The following MARCHF1 variants were observed in gnomAD, a reference collection of about 807,000 sequenced individuals.
MARCHF1 encodes the protein membrane associated ring-CH-type finger 1, also known as E3 ubiquitin-protein ligase MARCHF1.
A neutral mutation model predicts 54.2 loss-of-function variants in MARCHF1; 40 were observed. That is an observed-to-expected ratio of 0.74 (90% CI 0.57 to 0.96). The LOEUF (loss-of-function observed/expected upper bound fraction) is 0.96. Ranked by LOEUF, MARCHF1 falls within the 40% of genes least tolerant of loss-of-function variation. MARCHF1 has a pLI of 0.00. For missense variants in MARCHF1, 586 were observed against 656.5 expected, an observed-to-expected ratio of 0.89 and a Z score of 1.17; for synonymous variants, 236 against 236.3, an observed-to-expected ratio of 1.00 and a Z score of 0.01.
chr4:163,766,090 C>T (rs770257211), intron 4 of MARCHF1, among the ~76,000 whole-genome samples: 138 of 151,688 alleles, frequency 9.1e-4, no homozygotes, highest in Middle Eastern at 3.4e-3. Context: ...TAATAAAAGT[C>T]AAACTCCAGC....
chr4:164,154,356 A>T (rs723730), intron 1 of MARCHF1, among the ~76,000 whole-genome samples: 29,899 of 152,174 alleles, frequency 0.2, 4,790 homozygotes, highest in African/African-American at 0.43. Context: ...CACGTTATAG[A>T]TGAGGAAACT....
intron 1 of MARCHF1, among the ~76,000 whole-genome samples, chr4:164,172,706 G>A (rs558943960): frequency 2.5e-4 from 38 of 152,260 alleles, no homozygotes; most frequent in African/African-American, 8.7e-4. Context: ...GGCTGGGCGC[G>A]GTGGCTCACG....
intron 2 of MARCHF1, among the ~76,000 whole-genome samples, chr4:164,024,946 G>A (rs1178955384): frequency 2.6e-5 from 4 of 151,710 alleles, no homozygotes; most frequent in Non-Finnish European, 4.4e-5. Context: ...TTCTTATATC[G>A]GATAGAATAT....
At chr4:163,586,362 C>A (rs184280454) in intron 7 of MARCHF1, among the ~76,000 whole-genome samples, 161 of 151,870 alleles carry the variant, frequency 1.1e-3, no homozygotes, top group African/African-American at 3.8e-3. Flanking sequence ...GCAAATATTG[C>A]CAAATCAAAA....
At chr4:163,831,155 C>T (rs1415429704) in intron 4 of MARCHF1, among the ~76,000 whole-genome samples, 2 of 152,040 alleles carry the variant, frequency 1.3e-5, no homozygotes, top group African/African-American at 2.4e-5. Context: ...GGTGTAGTTT[C>T]TGTTTTCTGC....
Position 163,727,393 on chromosome 4 carries a change from C to T in MARCHF1, c.112-26530G>A, listed in dbSNP as rs181282712. On this transcript the variant is annotated intron_variant, in intron 4 of 9. Coordinates refer to ENST00000514618, the MANE Select transcript of MARCHF1 (RefSeq NM_001394959.1). Reference sequence around the variant, plus strand: ...CATGATTTCAGCTCACTTCAAGCTCCGCCTCCCAGGTTCACGCCATTCTCC... The same window carrying T: ...CATGATTTCAGCTCACTTCAAGCTCTGCCTCCCAGGTTCACGCCATTCTCC... Among the ~76,000 whole-genome samples, 739 of 151,672 alleles carry T rather than the reference C, an allele frequency of 4.9e-3. 1 individual carries two copies. Among genetic ancestry groups the T allele is most frequent in the African/African-American group, 8.6e-3 (354 of 41,392 alleles).
intron 7 of MARCHF1, among the ~76,000 whole-genome samples, chr4:163,600,740 G>A (rs1384072862): frequency 6.6e-6 from 1 of 152,080 alleles, no homozygotes; most frequent in Non-Finnish European, 1.5e-5. Context: ...TGTTAAAGTG[G>A]GCCTCAGAGG....
intron 8 of MARCHF1, among the ~76,000 whole-genome samples, chr4:163,560,688 A>C (rs1332577446): frequency 2.6e-5 from 4 of 152,144 alleles, no homozygotes; most frequent in Non-Finnish European, 4.4e-5. Flanking sequence ...TTAGGTCTTT[A>C]ATTTCTCTCA....
chr4:164,074,690 T>C (rs1304929821), intron 2 of MARCHF1, among the ~76,000 whole-genome samples: 1 of 152,096 alleles, frequency 6.6e-6, no homozygotes, highest in Non-Finnish European at 1.5e-5. Context: ...TTCTCTGTTA[T>C]GTTTTGAAAA....
intron 5 of MARCHF1, among the ~76,000 whole-genome samples, chr4:163,617,589 G>A (rs1396534423): frequency 6.6e-6 from 1 of 151,806 alleles, no homozygotes; most frequent in East Asian, 1.9e-4. Flanking sequence ...TTCATCTTTT[G>A]AACAGATAAA....
At chr4:163,635,762 G>A (rs956113069) in intron 5 of MARCHF1, among the ~76,000 whole-genome samples, 1 of 152,098 alleles carries the variant, frequency 6.6e-6, no homozygotes, top group Admixed American at 6.5e-5. Context: ...GCATCATTCT[G>A]ATACCAAAGC....
chr4:163,595,670 A>G (rs560556734), intron 7 of MARCHF1, among the ~76,000 whole-genome samples: 27 of 152,238 alleles, frequency 1.8e-4, no homozygotes, highest in Non-Finnish European at 2.8e-4. Context: ...TAAATATCAC[A>G]TAATATCACT....
At chr4:164,228,693 T>C (rs1317279762) in intron 1 of MARCHF1, among the ~76,000 whole-genome samples, 1 of 152,228 alleles carries the variant, frequency 6.6e-6, no homozygotes, top group African/African-American at 2.4e-5. Context: ...TGAAGGGTGG[T>C]ACATTTTTAT....
chr4:164,217,441 A>G (rs952360380), intron 1 of MARCHF1, among the ~76,000 whole-genome samples: 2 of 152,200 alleles, frequency 1.3e-5, no homozygotes, highest in Non-Finnish European at 2.9e-5. Flanking sequence ...AAAGCTAAAA[A>G]TTCTATATAA....
intron 3 of MARCHF1, among the ~76,000 whole-genome samples, chr4:163,911,418 G>A (rs147084627): frequency 8.5e-5 from 13 of 152,114 alleles, no homozygotes; most frequent in African/African-American, 3.1e-4. Flanking sequence ...CCTGAGTTTA[G>A]GTGGGAAGTC....
At chr4:164,346,325 T>C (rs1448814660) in intron 1 of MARCHF1, among the ~76,000 whole-genome samples, 3 of 152,116 alleles carry the variant, frequency 2.0e-5, no homozygotes, top group Non-Finnish European at 4.4e-5. Context: ...CAAATGTTAT[T>C]AAATAGGTAG....
intron 3 of MARCHF1, among the ~76,000 whole-genome samples, chr4:163,947,016 C>A (rs1022219275): frequency 6.6e-6 from 1 of 152,020 alleles, no homozygotes; most frequent in Non-Finnish European, 1.5e-5. Flanking sequence ...TTTATACAAG[C>A]TTGTGGAATA....
chr4:163,991,289 G>A (rs1471836867), intron 2 of MARCHF1, among the ~76,000 whole-genome samples: 1 of 152,016 alleles, frequency 6.6e-6, no homozygotes, highest in African/African-American at 2.4e-5. Flanking sequence ...GCCACAAATT[G>A]AACTTTTAAA....
At chr4:164,112,397 C>A (rs1225924804) in intron 1 of MARCHF1, among the ~76,000 whole-genome samples, 1 of 151,850 alleles carries the variant, frequency 6.6e-6, no homozygotes, top group Non-Finnish European at 1.5e-5. Flanking sequence ...GAGCTGGCAT[C>A]CATATCTTAT....
Sources: gnomAD v4.1 joint callset for allele counts (sites outside exome capture counted in the v4.1 genomes callset) on GRCh38, gnomAD v4.1.1 for gene constraint, MANE v1.5 for transcripts, NCBI Gene and HGNC (gene_info 2026-07-23, HGNC 2026-07-21) for gene names.